Variants in VWA8 observed in about 807,000 individuals in gnomAD.
VWA8 encodes von Willebrand factor A domain-containing protein 8.
VWA8 carries 221 observed loss-of-function variants against 241.5 expected under a neutral mutation model. That is an observed-to-expected ratio of 0.91 (90% CI 0.82 to 1.02). VWA8 has a LOEUF of 1.02. Among genes scored for constraint, VWA8 ranks in the 50% least tolerant of loss-of-function variants. The pLI is 0.00. For synonymous variants in VWA8, 852 were observed against 827.1 expected, an observed-to-expected ratio of 1.03 and a Z score of -0.52; for missense variants, 2,322 against 2,328.7, an observed-to-expected ratio of 1.00 and a Z score of 0.06.
chr13:41,783,323 C>A (rs903486431), intron 19 of VWA8, among the ~76,000 whole-genome samples: 2 of 151,228 alleles, frequency 1.3e-5, no homozygotes, highest in African/African-American at 4.8e-5. Flanking sequence ...AAAAAATTTT[C>A]TGTTTTCTGT....
chr13:41,816,003 T>C (rs1870673455), intron 16 of VWA8, among the ~76,000 whole-genome samples: 1 of 152,150 alleles, frequency 6.6e-6, no homozygotes, highest in Non-Finnish European at 1.5e-5. Flanking sequence ...ATTTGGCAGC[T>C]AGATTATCAA....
At chr13:41,608,940 TA>T (rs2044569857) in intron 39 of VWA8, among the ~76,000 whole-genome samples, 2 of 152,192 alleles carry the variant, frequency 1.3e-5, no homozygotes, top group African/African-American at 4.8e-5. Context: ...TTAGCAGCAT[TA>T]GGCTCTCCAA....
chr13:41,944,975 T>C (rs755989606), intron 2 of VWA8, among the ~76,000 whole-genome samples: 15 of 152,196 alleles, frequency 9.9e-5, no homozygotes, highest in Non-Finnish European at 2.2e-4. Context: ...CTTCAGTGTA[T>C]GCCTAAGAAT....
At chr13:41,703,243 G>A in intron 27 of VWA8, 60 bp downstream of exon 27, 1 of 1,352,050 alleles carries the variant, frequency 7.4e-7, no homozygotes, top group Non-Finnish European at 1.1e-6. Flanking sequence ...TATCTCCAGG[G>A]AAGATACAGC....
At chr13:41,656,099 A>G (rs1021325072) in intron 37 of VWA8, among the ~76,000 whole-genome samples, 2 of 152,240 alleles carry the variant, frequency 1.3e-5, no homozygotes, top group Non-Finnish European at 2.9e-5. Context: ...GATTGTTGAG[A>G]GTAACCCGAA....
chr13:41,907,614 C>A lies in VWA8; in HGVS notation c.455G>T (p.Arg152Leu), dbSNP rs200022468. ...ATCAATGTAAAAGGCTGTGCCTGCACGGATCTCTCGTCGCTGTTTGAGATC... is the reference window on the plus strand; with the variant it reads ...ATCAATGTAAAAGGCTGTGCCTGCAAGGATCTCTCGTCGCTGTTTGAGATC... ...ETDLKQRREI[R>L]AGTAFYIDQC... The change falls in exon 4 of 45, where the codon CGT becomes CTT. Residue 152 changes from arginine to leucine, a missense_variant. Physicochemically the swap from Arg to Leu is moderately radical, Grantham distance 102. Transcript: ENST00000379310. 1 of 1,614,160 alleles carries A rather than the reference C, an allele frequency of 6.2e-7. No individual in the cohort carries two copies. Among genetic ancestry groups the A allele is most frequent in the South Asian group, 1.1e-5 (1 of 91,090 alleles).
intron 19 of VWA8, among the ~76,000 whole-genome samples, chr13:41,779,480 T>C (rs982481957): frequency 6.6e-6 from 1 of 152,114 alleles, no homozygotes; most frequent in Non-Finnish European, 1.5e-5. Context: ...GAGGTGAGTA[T>C]ATAATTGTCT....
intron 17 of VWA8, among the ~76,000 whole-genome samples, chr13:41,801,818 T>C (rs1168245319): frequency 2.0e-5 from 3 of 152,238 alleles, no homozygotes; most frequent in South Asian, 2.1e-4. Context: ...TCAGAAGACA[T>C]ATGAACCAGT....
At chr13:41,875,933 G>C (rs560595372) in intron 9 of VWA8, among the ~76,000 whole-genome samples, 4 of 152,012 alleles carry the variant, frequency 2.6e-5, no homozygotes, top group Non-Finnish European at 5.9e-5. Context: ...ACTCAGGTCT[G>C]ATATTCCCTC....
At chr13:41,699,757 T>C (rs913548246) in intron 28 of VWA8, among the ~76,000 whole-genome samples, 1 of 152,256 alleles carries the variant, frequency 6.6e-6, no homozygotes, top group African/African-American at 2.4e-5. Flanking sequence ...CTTAGCTCTA[T>C]GGATCTTATT....
intron 40 of VWA8, among the ~76,000 whole-genome samples, chr13:41,596,562 G>A (rs984076663): frequency 6.6e-6 from 1 of 151,966 alleles, no homozygotes; most frequent in Admixed American, 6.6e-5. Context: ...AAGTATCCCT[G>A]TAAATATGTC....
chr13:41,739,854 T>G lies in VWA8; in HGVS notation c.2427-7699A>C, dbSNP rs1197584421. On this transcript the variant is annotated intron_variant, in intron 21 of 44. Transcript: ENST00000379310. ...TTTTTTTTTTGTTTTTTTTGTTTTTTTTGTTTTTTTTTTTTTTTGAGACAG... is the reference window on the plus strand; with the variant it reads ...TTTTTTTTTTGTTTTTTTTGTTTTTGTTGTTTTTTTTTTTTTTTGAGACAG... Among the ~76,000 whole-genome samples the G allele has an allele frequency of 1.5e-4, 9 of 58,638 alleles. 1 individual carries two copies. Among genetic ancestry groups the G allele is most frequent in the Admixed American group, 3.5e-4 (2 of 5,684 alleles). The allele number at this position is 58,638 out of a possible 152,430, so 38.5% of individuals were successfully genotyped here.
At chr13:41,832,245 A>C (rs1416994430) in intron 13 of VWA8, among the ~76,000 whole-genome samples, 2 of 152,234 alleles carry the variant, frequency 1.3e-5, no homozygotes, top group African/African-American at 4.8e-5. Flanking sequence ...AGTATTTTTT[A>C]ATTGCCACCC....
intron 12 of VWA8, among the ~76,000 whole-genome samples, chr13:41,841,570 A>C (rs1872003277): frequency 6.6e-6 from 1 of 151,022 alleles, no homozygotes; most frequent in African/African-American, 2.4e-5. Context: ...GTGGATCACG[A>C]GGTCAGGAGA....
rs1054563672 is a variant in VWA8, at chr13:41,618,847, A to G, written c.4612-3763T>C. On this transcript the variant is annotated intron_variant, in intron 37 of 44. Transcript: ENST00000379310. ...CATTGGTCTATATCTCTGTTTTGGT[A>G]CCAGTACCATGCTGTTTTGATTACT... Among the ~76,000 whole-genome samples, 14 of 152,314 alleles carry G rather than the reference A, an allele frequency of 9.2e-5. 1 individual carries two copies. Among genetic ancestry groups the G allele is most frequent in the African/African-American group, 3.4e-4 (14 of 41,572 alleles).
chr13:41,758,857 G>A (rs1032588890), intron 21 of VWA8, among the ~76,000 whole-genome samples: 4 of 151,212 alleles, frequency 2.6e-5, no homozygotes, highest in Non-Finnish European at 5.9e-5. Flanking sequence ...TGTAATTTAT[G>A]TGATATTTTA....
At chr13:41,812,860 C>T (rs1870533909) in intron 16 of VWA8, among the ~76,000 whole-genome samples, 1 of 152,024 alleles carries the variant, frequency 6.6e-6, no homozygotes, top group African/African-American at 2.4e-5. Context: ...GATATGGAGA[C>T]AATATTCAAA....
intron 2 of VWA8, among the ~76,000 whole-genome samples, chr13:41,949,405 C>G (rs1179354255): frequency 1.3e-5 from 2 of 151,432 alleles, no homozygotes; most frequent in African/African-American, 2.4e-5. Context: ...TGTTCTCACT[C>G]ATAAGTGGGA....
rs1391502476 is a variant in VWA8, at chr13:41,692,889, T to A, written c.3648A>T (p.Lys1216Asn). ...CTTCTTCTTTGTTCCACCAGAAAGG[T>A]TTCTTAGATGTAAACTTCTCGGAAG... ...ILPSEKFTSK[K>N]PFWWNKEEAE... is the part of the protein sequence containing the mutation. The change falls in exon 30 of 45, where the codon AAA (lysine) becomes AAT (asparagine). Residue 1216 changes from lysine (K) to asparagine (N), a missense_variant. Transcript: ENST00000379310. The A allele has an allele frequency of 6.2e-7, 1 of 1,611,450 alleles. No individual in the cohort carries two copies. The highest frequency in any genetic ancestry group is 8.5e-7 in the Non-Finnish European group (1 of 1,178,276).
Sources: allele counts gnomAD v4.1 joint callset (sites outside exome capture counted in the v4.1 genomes callset), GRCh38; gene constraint gnomAD v4.1.1; transcripts MANE v1.5; gene names NCBI Gene and HGNC (gene_info 2026-07-23, HGNC 2026-07-21).